EPHA5: variants seen among roughly 807,000 people sequenced by gnomAD.
EPHA5 encodes the protein EPH receptor A5.
In EPHA5, 60 loss-of-function variants were observed where a neutral mutation model predicts 105.0. That is an observed-to-expected ratio of 0.57 (90% confidence interval 0.46 to 0.71). The LOEUF (loss-of-function observed/expected upper bound fraction) is 0.71. Ranked by LOEUF, EPHA5 falls within the 30% of genes least tolerant of loss-of-function variation. The probability of loss-of-function intolerance (pLI) is 0.00; values close to 1 mark genes in which losing one functional copy is unlikely to be tolerated. For synonymous variants in EPHA5, 513 were observed against 449.1 expected (o/e 1.14, Z -1.80); for missense variants, 1,218 against 1,274.7 (o/e 0.96, Z 0.68).
At chr4:65,417,501 T>G (rs1467395699) in intron 6 of EPHA5, among the ~76,000 whole-genome samples, 1 of 152,164 alleles carries the variant, frequency 6.6e-6, no homozygotes, top group Non-Finnish European at 1.5e-5. Flanking sequence ...AGGAAAACAC[T>G]GACCAAAATA....
At chr4:65,580,687 C>T (rs1008364525) in intron 3 of EPHA5, among the ~76,000 whole-genome samples, 25 of 151,890 alleles carry the variant, frequency 1.6e-4, no homozygotes, top group African/African-American at 6.0e-4. Context: ...CAAAGATCTC[C>T]CTCCTCCCCT....
At chr4:65,555,325 T>C (rs1259362084) in intron 3 of EPHA5, among the ~76,000 whole-genome samples, 1 of 152,014 alleles carries the variant, frequency 6.6e-6, no homozygotes, top group African/African-American at 2.4e-5. Context: ...AATGAAATCA[T>C]TCATTTGAAA....
intron 5 of EPHA5, among the ~76,000 whole-genome samples, chr4:65,472,125 A>G (rs899403857): frequency 2.6e-5 from 4 of 152,162 alleles, no homozygotes; most frequent in Admixed American, 2.0e-4. Context: ...TCCAAATGGG[A>G]GAAATTGACC....
intron 5 of EPHA5, among the ~76,000 whole-genome samples, chr4:65,460,892 T>G (rs2149130171): frequency 6.6e-6 from 1 of 151,952 alleles, no homozygotes; most frequent in African/African-American, 2.4e-5. Context: ...AGTAGTTTAA[T>G]GATTTTTCTT....
chr4:65,620,336 C>T (rs1473297029), intron 2 of EPHA5, among the ~76,000 whole-genome samples: 1 of 152,008 alleles, frequency 6.6e-6, no homozygotes, highest in Non-Finnish European at 1.5e-5. Context: ...TGGCTCTTGA[C>T]TTCTTGCGAT....
chr4:65,487,795 C>G (rs1463938398), intron 5 of EPHA5, among the ~76,000 whole-genome samples: 1 of 152,124 alleles, frequency 6.6e-6, no homozygotes, highest in Non-Finnish European at 1.5e-5. Context: ...AATAATAAAA[C>G]TCTGGTCTCC....
intron 2 of EPHA5, among the ~76,000 whole-genome samples, chr4:65,612,605 C>T (rs978748252): frequency 6.6e-6 from 1 of 152,178 alleles, no homozygotes; most frequent in Non-Finnish European, 1.5e-5. Flanking sequence ...TATATCTCTG[C>T]TATTGGGAAT....
At chr4:65,556,038 C>T (rs865899374) in intron 3 of EPHA5, among the ~76,000 whole-genome samples, 2 of 152,084 alleles carry the variant, frequency 1.3e-5, no homozygotes, top group African/African-American at 4.8e-5. Flanking sequence ...TATTCCGATG[C>T]TGATGAATGT....
At chr4:65,511,062 C>T (rs755904151) in intron 3 of EPHA5, among the ~76,000 whole-genome samples, 2 of 152,120 alleles carry the variant, frequency 1.3e-5, no homozygotes, top group African/African-American at 4.8e-5. Context: ...CAGCTGCCTG[C>T]AAGCCAGGAA....
At chr4:65,572,186 G>T (rs542722624) in intron 3 of EPHA5, among the ~76,000 whole-genome samples, 2 of 151,958 alleles carry the variant, frequency 1.3e-5, no homozygotes, top group Non-Finnish European at 2.9e-5. Context: ...ATTATTAAAT[G>T]AGTCATTTTC....
intron 3 of EPHA5, chr4:65,574,085 C>T: frequency 6.2e-7 from 1 of 1,607,082 alleles, no homozygotes. Context: ...ATGTAAAAAT[C>T]CCAAAACATC....
At chr4:65,386,885 T>A (rs1577981524) in intron 8 of EPHA5, among the ~76,000 whole-genome samples, 1 of 151,728 alleles carries the variant, frequency 6.6e-6, no homozygotes, top group Non-Finnish European at 1.5e-5. Flanking sequence ...CCTACCTAAA[T>A]AAAAATAGCA....
At chr4:65,451,750 TA>T (rs1343625432) in intron 5 of EPHA5, among the ~76,000 whole-genome samples, 19 of 152,256 alleles carry the variant, frequency 1.2e-4, no homozygotes, top group African/African-American at 4.6e-4. Context: ...TGTGGTCAGA[TA>T]TTCATATATG....
chr4:65,579,358 G>GTGTATA (rs1553944309), intron 3 of EPHA5, among the ~76,000 whole-genome samples: 4 of 142,786 alleles, frequency 2.8e-5, no homozygotes, highest in South Asian at 2.2e-4. Context: ...ATGTATGTGT[G>GTGTATA]TATATATATA....
intron 3 of EPHA5, among the ~76,000 whole-genome samples, chr4:65,536,852 C>T (rs1736339339): frequency 6.6e-6 from 1 of 151,332 alleles, no homozygotes; most frequent in Non-Finnish European, 1.5e-5. Flanking sequence ...CTATGGCACC[C>T]AAAGGGAAAT....
intron 7 of EPHA5, among the ~76,000 whole-genome samples, chr4:65,408,302 A>T (rs1319648609): frequency 6.6e-6 from 1 of 152,108 alleles, no homozygotes; most frequent in Non-Finnish European, 1.5e-5. Flanking sequence ...TTAATCTTTA[A>T]GATATATACC....
intron 2 of EPHA5, among the ~76,000 whole-genome samples, chr4:65,642,490 C>T (rs924469484): frequency 2.0e-5 from 3 of 151,816 alleles, no homozygotes; most frequent in Admixed American, 1.3e-4. Flanking sequence ...TAGTAGTATT[C>T]CTTCTTAATA....
intron 3 of EPHA5, among the ~76,000 whole-genome samples, chr4:65,575,649 A>G (rs1231017629): frequency 6.6e-6 from 1 of 152,130 alleles, no homozygotes; most frequent in South Asian, 2.1e-4. Context: ...CACCTCCATC[A>G]TTCTAAGGTA....
chr4:65,629,203 A>T (rs1293589121), intron 2 of EPHA5, among the ~76,000 whole-genome samples: 2 of 152,214 alleles, frequency 1.3e-5, no homozygotes, highest in African/African-American at 4.8e-5. Flanking sequence ...CATATCTACA[A>T]CATGCTTCTA....
Sources: allele counts gnomAD v4.1 joint callset (sites outside exome capture counted in the v4.1 genomes callset), GRCh38; gene constraint gnomAD v4.1.1; transcripts MANE v1.5; gene names NCBI Gene and HGNC (gene_info 2026-07-23, HGNC 2026-07-21).